The following RAVER2 variants were observed in gnomAD, a reference collection of about 807,000 sequenced individuals.
The protein encoded by RAVER2 is ribonucleoprotein, PTB binding 2.
RAVER2 carries 46 observed loss-of-function variants against 78.1 expected under a neutral mutation model. The ratio of observed to expected loss-of-function variants is 0.59; its 90% CI spans 0.46 to 0.75. The LOEUF (loss-of-function observed/expected upper bound fraction) is 0.75. Among genes scored for constraint, RAVER2 ranks in the 30% least tolerant of loss-of-function variants. The pLI is 0.00. For missense variants in RAVER2, 793 were observed against 837.5 expected, an observed-to-expected ratio of 0.95 and a Z score of 0.66; for synonymous variants, 311 against 313.3, an observed-to-expected ratio of 0.99 and a Z score of 0.08.
At chr1:64,789,307 G>T in intron 4 of RAVER2, 81 bp from the exon 5 acceptor site, 1 of 1,217,308 alleles carries the variant, frequency 8.2e-7, no homozygotes, top group South Asian at 2.1e-5. Context: ...AGATGAATGA[G>T]GATTTCTAGA....
intron 11 of RAVER2, among the ~76,000 whole-genome samples, chr1:64,820,209 A>T (rs1557606440): frequency 1.3e-5 from 2 of 152,200 alleles, no homozygotes; most frequent in Non-Finnish European, 2.9e-5. Context: ...AAAGAGATAT[A>T]GCTAAAATAT....
At chr1:64,776,761 T>G (rs1461561968) in intron 2 of RAVER2, among the ~76,000 whole-genome samples, 1 of 152,222 alleles carries the variant, frequency 6.6e-6, no homozygotes, top group Non-Finnish European at 1.5e-5. Flanking sequence ...TTTTATATTC[T>G]TTTATTGCAA....
At chr1:64,775,838 G>A (rs1397261883) in intron 2 of RAVER2, among the ~76,000 whole-genome samples, 1 of 151,932 alleles carries the variant, frequency 6.6e-6, no homozygotes, top group Non-Finnish European at 1.5e-5. Context: ...GACCAACATG[G>A]CGCAACCCCA....
intron 5 of RAVER2, among the ~76,000 whole-genome samples, chr1:64,796,855 C>T (rs2100862634): frequency 6.6e-6 from 1 of 152,130 alleles, no homozygotes; most frequent in Non-Finnish European, 1.5e-5. Flanking sequence ...TCACTTGAGA[C>T]CTTTCTTCTT....
rs577478285 is a variant in RAVER2, at chr1:64,757,026, T to G, written c.249+11605T>G. 1.6e-4 allele frequency among the ~76,000 whole-genome samples: 25 copies of G among 152,368 alleles called. No homozygotes were observed. The East Asian group carries it at 3.9e-3, about 24-fold the overall frequency. On this transcript the variant is annotated intron_variant, in intron 1 of 11. Transcript: ENST00000294428. ...GGTGATGTTAACCTTGATCATTTGC[T>G]TAAGGGGATGTCTGCTAAGTCACTC... is the stretch of plus-strand genomic sequence containing the variant.
rs1410268502 is a variant in RAVER2 at position 64,824,588 on chromosome 1, TAA to T, written c.1930-6247_1930-6246del. Among the ~76,000 whole-genome samples the T allele has an allele frequency of 3.2e-4, 49 of 152,262 alleles. 1 individual carries two copies. The highest frequency in any genetic ancestry group is 3.1e-3 in the Admixed American group (47 of 15,306). On this transcript the variant is annotated intron_variant, in intron 11 of 11. Coordinates refer to ENST00000294428, the Ensembl canonical transcript of RAVER2. Reference sequence around the variant, plus strand: ...TAGACAATAACTTGGAAAGTACTTTTAAAAAGTGATTTTGGTTAAAAACTGGA... The same window carrying T: ...TAGACAATAACTTGGAAAGTACTTTTAAAGTGATTTTGGTTAAAAACTGGA...
intron 8 of RAVER2, among the ~76,000 whole-genome samples, chr1:64,805,818 T>C (rs915191945): frequency 3.2e-4 from 49 of 152,214 alleles, no homozygotes; most frequent in African/African-American, 1.1e-3. Context: ...GTTCTGACTG[T>C]TGAAATTGAC....
chr1:64,793,256 A>G (rs1476361436), intron 5 of RAVER2, among the ~76,000 whole-genome samples: 2 of 152,150 alleles, frequency 1.3e-5, no homozygotes, highest in African/African-American at 4.8e-5. Flanking sequence ...CTTCTTTATC[A>G]TTGTGTAATT....
chr1:64,751,863 A>C (rs182360090), intron 1 of RAVER2, among the ~76,000 whole-genome samples: 33 of 152,188 alleles, frequency 2.2e-4, no homozygotes, highest in African/African-American at 8.0e-4. Context: ...AATGTAAATA[A>C]AATTATTTAT....
intron 11 of RAVER2, among the ~76,000 whole-genome samples, 165 bp from the exon 12 acceptor site, chr1:64,830,672 TAA>T (rs1467191308): frequency 2.0e-5 from 3 of 152,268 alleles, no homozygotes; most frequent in South Asian, 2.1e-4. Context: ...TACAGAAATT[TAA>T]AAGTCTTATT....
intron 1 of RAVER2, among the ~76,000 whole-genome samples, chr1:64,766,654 A>G (rs1282544048): frequency 6.6e-6 from 1 of 152,164 alleles, no homozygotes; most frequent in African/African-American, 2.4e-5. Context: ...GTAACATAAC[A>G]TGTCATTTGT....
intron 1 of RAVER2, among the ~76,000 whole-genome samples, chr1:64,759,936 T>C (rs1307219053): frequency 6.6e-6 from 1 of 152,232 alleles, no homozygotes; most frequent in African/African-American, 2.4e-5. Flanking sequence ...CAAAATGTCA[T>C]ATATTTAACA....
chr1:64,766,428 C>T (rs1652177493), intron 1 of RAVER2, among the ~76,000 whole-genome samples: 1 of 152,034 alleles, frequency 6.6e-6, no homozygotes, highest in Non-Finnish European at 1.5e-5. Flanking sequence ...CCCACTTTTG[C>T]CTGGGTCAAA....
At chr1:64,805,143 T>G (rs999954160) in intron 8 of RAVER2, 38 bp downstream of exon 8, 16 of 1,537,516 alleles carry the variant, frequency 1.0e-5, no homozygotes, top group Non-Finnish European at 1.4e-5. Context: ...CAGTAAACAG[T>G]CAGGTTTGAG....
chr1:64,812,391 A>T (rs953411884), intron 9 of RAVER2, among the ~76,000 whole-genome samples: 1 of 149,272 alleles, frequency 6.7e-6, no homozygotes, highest in Non-Finnish European at 1.5e-5. Flanking sequence ...AAATAGGTAG[A>T]TAGATAGATA....
exon 9 of RAVER2, chr1:64,807,471 A>C (rs1011482567): frequency 1.9e-6 from 3 of 1,612,728 alleles, no homozygotes; most frequent in Non-Finnish European, 2.5e-6. Context: ...AGATAAGTTC[A>C]GGGGTAAGAA....
intron 4 of RAVER2, among the ~76,000 whole-genome samples, chr1:64,786,550 G>A (rs1470864144): frequency 6.6e-6 from 1 of 152,172 alleles, no homozygotes; most frequent in African/African-American, 2.4e-5. Flanking sequence ...CAGCACTTCG[G>A]GTGGCCGAGG....
intron 11 of RAVER2, chr1:64,816,040 A>G (rs1377870034): frequency 1.3e-5 from 2 of 152,208 alleles, no homozygotes; most frequent in Non-Finnish European, 2.9e-5. Flanking sequence ...TACAATTCCA[A>G]TTTGTTTCTT....
chr1:64,786,642 A>G (rs1310121235), intron 4 of RAVER2, among the ~76,000 whole-genome samples: 1 of 151,370 alleles, frequency 6.6e-6, no homozygotes, highest in Non-Finnish European at 1.5e-5. Context: ...AATGCAAAAA[A>G]CTTAGCCAGG....
Sources: gnomAD v4.1 joint callset for allele counts (sites outside exome capture counted in the v4.1 genomes callset) on GRCh38, gnomAD v4.1.1 for gene constraint, MANE v1.5 for transcripts, NCBI Gene and HGNC (gene_info 2026-07-23, HGNC 2026-07-21) for gene names.